The following RXRG variants were observed in gnomAD, a reference collection of about 807,000 sequenced individuals.
RXRG encodes retinoic acid receptor RXR-gamma.
A neutral mutation model predicts 49.2 loss-of-function variants in RXRG; 19 were observed. That is an observed-to-expected ratio of 0.39 (90% confidence interval 0.27 to 0.57). The LOEUF (loss-of-function observed/expected upper bound fraction) is 0.57, where lower values mean the gene tolerates loss of function less well. Among genes scored for constraint, RXRG ranks in the 20% least tolerant of loss-of-function variants. The pLI is 0.64. For synonymous variants in RXRG, 224 were observed against 216.6 expected (o/e 1.03, Z -0.30); for missense variants, 452 against 592.5 (o/e 0.76, Z 2.46).
In RXRG at chr1:165,428,908, C is replaced by T. The variant is rs1571282915; in HGVS notation, c.108G>A (p.Gly36=). The T allele has an allele frequency of 1.2e-6, 2 of 1,613,776 alleles. No homozygotes were observed. Among genetic ancestry groups the T allele is most frequent in the Non-Finnish European group, 1.7e-6 (2 of 1,179,904 alleles). ...SMSPSAALST[G]KPMDSHPSYT... is the part of the protein sequence containing the mutation. ...AGCTGGGGTGGCTGTCCATTGGCTT[C>T]CCTGTGGACAAGGCTGCTGATGGGC... The change falls in exon 2 of 10, where the codon GGG becomes GGA. Residue 36 remains glycine, a synonymous_variant. Coordinates refer to ENST00000359842, the MANE Select transcript of RXRG (RefSeq NM_006917.5).
chr1:165,419,733 A>G (rs776462015), intron 3 of RXRG, 137 bp downstream of exon 3: 2 of 592,800 alleles, frequency 3.4e-6, no homozygotes, highest in Non-Finnish European at 5.4e-6. Context: ...ACCCAGTGAC[A>G]TAAACGTATA....
chr1:165,437,567 G>C (rs1254476943), intron 1 of RXRG, among the ~76,000 whole-genome samples: 3 of 152,126 alleles, frequency 2.0e-5, no homozygotes, highest in Non-Finnish European at 4.4e-5. Context: ...GATAGAGAGA[G>C]CCTATCTGAA....
chr1:165,435,256 T>TA (rs1440068176), intron 1 of RXRG, among the ~76,000 whole-genome samples: 1 of 152,214 alleles, frequency 6.6e-6, no homozygotes, highest in Non-Finnish European at 1.5e-5. Flanking sequence ...TTGGAGTGGC[T>TA]AACATTTATT....
At chr1:165,405,486 C>T (rs533509116) in intron 9 of RXRG, among the ~76,000 whole-genome samples, 1 of 152,382 alleles carries the variant, frequency 6.6e-6, no homozygotes, top group South Asian at 2.1e-4. Flanking sequence ...CGTGACTTGG[C>T]ATCAGCTAAT....
chr1:165,406,765 T>A (rs1160295259), intron 9 of RXRG, 47 bp downstream of exon 9: 1 of 1,295,996 alleles, frequency 7.7e-7, no homozygotes, highest in African/African-American at 1.5e-5. Flanking sequence ...AGATGAAGAG[T>A]GGGAGTAGTT....
chr1:165,403,478 G>A (rs1333967455), intron 9 of RXRG, among the ~76,000 whole-genome samples: 1 of 152,148 alleles, frequency 6.6e-6, no homozygotes, highest in Non-Finnish European at 1.5e-5. Flanking sequence ...AAGAAATGTA[G>A]CAATACAAGG....
chr1:165,411,134 G>A (rs1657931940), intron 4 of RXRG, 25 bp from the exon 5 acceptor site: 1 of 1,609,872 alleles, frequency 6.2e-7, no homozygotes, highest in African/African-American at 1.3e-5. Flanking sequence ...GACATGCAGA[G>A]GTTACCATAA....
Position 165,444,953 on chromosome 1 carries a change from G to A in RXRG, c.-60C>T, listed in dbSNP as rs1044262140. ...GCTTCTAAATATTACCGCCTCTCTC[G>A]GCTCCCAGGCACAGCCCGGCTTTCT... On this transcript the variant is annotated 5_prime_UTR_variant, in exon 1 of 10. Transcript: ENST00000359842. The A allele has an allele frequency of 2.0e-5, 30 of 1,520,176 alleles. No homozygotes were observed. In the East Asian group the frequency reaches 3.8e-4, roughly 19 times the overall value. 94.2% of individuals were successfully genotyped at this position (1,520,176 alleles called of 1,614,324 possible).
intron 1 of RXRG, among the ~76,000 whole-genome samples, chr1:165,438,999 G>A (rs1163022255): frequency 2.0e-5 from 3 of 152,086 alleles, no homozygotes; most frequent in Non-Finnish European, 4.4e-5. Flanking sequence ...ATCTTTTAAA[G>A]CAGGTTTTCT....
chr1:165,416,333 C>T (rs961690723), intron 4 of RXRG, among the ~76,000 whole-genome samples: 13 of 152,044 alleles, frequency 8.6e-5, no homozygotes, highest in African/African-American at 3.1e-4. Flanking sequence ...TGTCTACTAA[C>T]GGGACAGAAA....
chr1:165,408,294 T>C lies in RXRG; in HGVS notation c.1071A>G (p.Lys357=). The C allele has an allele frequency of 6.2e-7, 1 of 1,613,726 alleles. No individual in the cohort carries two copies. The highest frequency in any genetic ancestry group is 1.3e-5 in the African/African-American group (1 of 75,012). Residue 357 remains lysine (K), a synonymous_variant, in exon 8 of 10, where the codon AAA becomes AAG. Transcript: ENST00000359842. ...FDRVLTELVS[K]MKDMQMDKSE... is the part of the protein sequence containing the mutation. The stretch of plus-strand genomic sequence containing the variant: ...ACTTGTCCATCTGCATGTCTTTCAT[T>C]TTGGAAACCAGCTCAGTTAGGACTC...
At position 165,413,949 on chromosome 1, in the gene RXRG, C is replaced by G. The variant is rs536127319; in HGVS notation, c.623-2840G>C. 2.6e-5 allele frequency among the ~76,000 whole-genome samples: 4 copies of G among 152,360 alleles called. No individual in the cohort carries two copies. The East Asian group carries it at 5.8e-4, about 22-fold the overall frequency. Reference sequence around the variant, plus strand: ...AATTCTGTACCTACCCCAATTCCATCTCTTTATCTGTGTGATTTCCATGGT... The same window carrying G: ...AATTCTGTACCTACCCCAATTCCATGTCTTTATCTGTGTGATTTCCATGGT... On this transcript the variant is annotated intron_variant, in intron 4 of 9. Coordinates refer to ENST00000359842, the MANE Select transcript of RXRG (RefSeq NM_006917.5).
chr1:165,435,766 C>A (rs1026727539), intron 1 of RXRG, among the ~76,000 whole-genome samples: 5 of 152,212 alleles, frequency 3.3e-5, no homozygotes, highest in African/African-American at 1.2e-4. Flanking sequence ...AAATACTTTT[C>A]CAGGTGGACC....
At chr1:165,418,720 T>A (rs1658216396) in intron 3 of RXRG, among the ~76,000 whole-genome samples, 1 of 152,250 alleles carries the variant, frequency 6.6e-6, no homozygotes, top group Admixed American at 6.5e-5. Context: ...TGGGACCAAT[T>A]TTTCAACTGT....
chr1:165,401,282 G>C lies in RXRG; in HGVS notation c.1373C>G (p.Thr458Ser). The change falls in exon 10 of 10, where the codon ACC becomes AGC. Residue 458 changes from threonine to serine, a missense_variant. Coordinates refer to ENST00000359842, the MANE Select transcript of RXRG (RefSeq NM_006917.5). ...IDTFLMEMLE[T>S]PLQIT The stretch of plus-strand genomic sequence containing the variant: ...TGGGGCTCAGGTGATCTGCAGCGGG[G>C]TCTCCAACATCTCCATGAGGAAGGT... 9 of 1,614,154 alleles carry C rather than the reference G, an allele frequency of 5.6e-6. No individual in the cohort carries two copies. The highest frequency in any genetic ancestry group is 7.6e-6 in the Non-Finnish European group (9 of 1,180,016).
At chr1:165,417,343 A>C (rs1196232280) in intron 3 of RXRG, 123 bp from the exon 4 acceptor site, 9 of 825,638 alleles carry the variant, frequency 1.1e-5, no homozygotes, top group South Asian at 4.1e-5. Flanking sequence ...TGGGACAGAA[A>C]GCAAATAATC....
intron 4 of RXRG, among the ~76,000 whole-genome samples, chr1:165,413,061 G>A (rs1658004691): frequency 6.6e-6 from 1 of 152,140 alleles, no homozygotes; most frequent in Admixed American, 6.5e-5. Context: ...AAATATCCTT[G>A]GTGTCAGGGA....
chr1:165,410,547 C>T (rs556456694), intron 6 of RXRG, among the ~76,000 whole-genome samples, 155 bp downstream of exon 6: 1 of 152,310 alleles, frequency 6.6e-6, no homozygotes, highest in African/African-American at 2.4e-5. Context: ...ATTAACGATG[C>T]TTCCTTTGGG....
chr1:165,409,411 T>C, intron 7 of RXRG, 147 bp downstream of exon 7: 1 of 942,962 alleles, frequency 1.1e-6, no homozygotes, highest in Non-Finnish European at 1.4e-6. Context: ...TGTAGCTAAC[T>C]GTTTGGGCTG....
Sources: allele counts gnomAD v4.1 joint callset (sites outside exome capture counted in the v4.1 genomes callset), GRCh38; gene constraint gnomAD v4.1.1; transcripts MANE v1.5; gene names NCBI Gene and HGNC (gene_info 2026-07-23, HGNC 2026-07-21).